Variants in ARHGAP30 observed in about 807,000 individuals in gnomAD.
The protein encoded by ARHGAP30 is Rho GTPase activating protein 30, also known as rho GTPase-activating protein 30.
ARHGAP30 carries 23 observed loss-of-function variants against 72.0 expected under a neutral mutation model. The observed-to-expected ratio is 0.32, with a 90% CI of 0.23 to 0.45. The LOEUF (loss-of-function observed/expected upper bound fraction) is 0.45, where lower values mean the gene tolerates loss of function less well. ARHGAP30 is among the 20% of genes least tolerant of loss of function. The probability of loss-of-function intolerance (pLI) is 1.00; values close to 1 mark genes in which losing one functional copy is unlikely to be tolerated. For missense variants in ARHGAP30, 1,319 were observed against 1,383.4 expected, an observed-to-expected ratio of 0.95 and a Z score of 0.74; for synonymous variants, 576 against 528.2, an observed-to-expected ratio of 1.09 and a Z score of -1.24.
In ARHGAP30 at chr1:161,047,585, G is replaced by A; in HGVS notation, c.*130C>T. On this transcript the variant is annotated 3_prime_UTR_variant, in exon 12 of 12. Transcript: ENST00000368013. Reference sequence around the variant, plus strand: ...GCAGTGCCTCCCACAGTCAAAGAGAGAAGCTGGAGGGCCAAAGCCTATAGA... The same window carrying A: ...GCAGTGCCTCCCACAGTCAAAGAGAAAAGCTGGAGGGCCAAAGCCTATAGA... The A allele has an allele frequency of 1.0e-6, 1 of 1,000,258 alleles. No homozygotes were observed. Among genetic ancestry groups the A allele is most frequent in the South Asian group, 2.8e-5 (1 of 35,970 alleles). 62.0% of individuals were successfully genotyped at this position (1,000,258 alleles called of 1,614,324 possible).
In ARHGAP30 at chr1:161,052,747, C is replaced by G. The variant is rs1293884930; in HGVS notation, c.715G>C (p.Gly239Arg). 1.2e-6 allele frequency: 2 copies of G among 1,612,086 alleles called. No homozygotes were observed. Among genetic ancestry groups the G allele is most frequent in the Admixed American group, 3.3e-5 (2 of 60,012 alleles). Residue 239 changes from glycine to arginine, a missense_variant, in exon 7 of 12, where the codon GGC (glycine) becomes CGC (arginine). Around this residue, in one of 2 missense-constraint regions of ARHGAP30, gnomAD observed 222 missense variants for 338.2 expected, o/e 0.66. Coordinates refer to ENST00000368013, the MANE Select transcript of ARHGAP30 (RefSeq NM_001025598.2). ...WRSLPGTRASGSPEDLMPRPL... is the reference protein window; with the variant it reads ...WRSLPGTRASRSPEDLMPRPL... ...CTGGGCATAAGGTCCTCGGGGCTGCCTGATGCCCGGGTCCCTGGAAGCGAT... is the reference window on the plus strand; with the variant it reads ...CTGGGCATAAGGTCCTCGGGGCTGCGTGATGCCCGGGTCCCTGGAAGCGAT...
intron 1 of ARHGAP30, among the ~76,000 whole-genome samples, chr1:161,067,986 AT>A (rs1030858540): frequency 1.7e-4 from 16 of 94,240 alleles, no homozygotes; most frequent in African/African-American, 7.5e-4. Flanking sequence ...TAGGATCAGG[AT>A]TCAGCAATCA....
chr1:161,060,388 G>A (rs1652228927), intron 1 of ARHGAP30: 1 of 284,826 alleles, frequency 3.5e-6, no homozygotes, highest in Non-Finnish European at 7.3e-6. Context: ...CTGAGGTCAG[G>A]AGTTTGAGAC....
At chr1:161,056,128 G>A (rs1303280642) in intron 3 of ARHGAP30, among the ~76,000 whole-genome samples, 1 of 152,072 alleles carries the variant, frequency 6.6e-6, no homozygotes, top group Non-Finnish European at 1.5e-5. Flanking sequence ...TCTCACCACT[G>A]TGCTGTGTGC....
chr1:161,053,119 T>C, intron 6 of ARHGAP30, 139 bp downstream of exon 6: 1 of 1,284,838 alleles, frequency 7.8e-7, no homozygotes. Flanking sequence ...TGCACAATTA[T>C]CTCCCCAGGG....
At chr1:161,061,651 T>G (rs1333052880) in intron 1 of ARHGAP30, among the ~76,000 whole-genome samples, 1 of 152,192 alleles carries the variant, frequency 6.6e-6, no homozygotes, top group Middle Eastern at 3.2e-3. Flanking sequence ...ATGACTCAAA[T>G]CAAGGGTGCA....
intron 1 of ARHGAP30, among the ~76,000 whole-genome samples, chr1:161,064,308 CG>C (rs956878926): frequency 2.2e-4 from 33 of 152,332 alleles, no homozygotes; most frequent in African/African-American, 7.7e-4. Flanking sequence ...ACATGATTAT[CG>C]GGGCAGTTCC....
Position 161,049,474 on chromosome 1 carries a change from C to G in ARHGAP30, c.1636G>C (p.Asp546His). The change falls in exon 11 of 12, where the codon GAC becomes CAC. Residue 546 changes from aspartate (D) to histidine (H), a missense_variant. Physicochemically the swap from Asp to His is moderately conservative, Grantham distance 81. Transcript: ENST00000368013. Reference sequence around the variant, plus strand: ...TCCAGGTAGCCCATCCCAGGGTCGTCCTCCCCAGGGGAGAAGGCTGCTCCT... The same window carrying G: ...TCCAGGTAGCCCATCCCAGGGTCGTGCTCCCCAGGGGAGAAGGCTGCTCCT... ...AAGAAFSPGEDDPGMGYLEEL... is the reference protein window; with the variant it reads ...AAGAAFSPGEHDPGMGYLEEL... 1 of 1,613,892 alleles carries G rather than the reference C, an allele frequency of 6.2e-7. No individual in the cohort carries two copies. The highest frequency in any genetic ancestry group is 8.5e-7 in the Non-Finnish European group (1 of 1,179,922).
intron 1 of ARHGAP30, chr1:161,060,051 C>A: frequency 3.1e-6 from 1 of 322,256 alleles, no homozygotes; most frequent in Non-Finnish European, 6.3e-6. Flanking sequence ...GAGGCCAAGG[C>A]GGGTGAGTTG....
At position 161,069,699 on chromosome 1, in the gene ARHGAP30, C is replaced by A; in HGVS notation, c.-75G>T. The A allele has an allele frequency of 2.0e-6, 3 of 1,505,428 alleles. No individual in the cohort carries two copies. The highest frequency in any genetic ancestry group is 2.7e-6 in the Non-Finnish European group (3 of 1,097,318). 93.3% of individuals were successfully genotyped at this position (1,505,428 alleles called of 1,614,324 possible). A position where few individuals can be genotyped will look rare whatever the true frequency, so the allele number is the denominator to read the frequency against. ...GTGCCCTACCAGTCCCCCATGGGAT[C>A]CCAGCCAGCTGCTGGGCTTGGCCCG... On this transcript the variant is annotated 5_prime_UTR_variant, in exon 1 of 12. Transcript: ENST00000368013. This position sits in a 1 kb window ranked among gnomAD's most constrained non-coding sequence, Gnocchi z 4.9.
intron 1 of ARHGAP30, among the ~76,000 whole-genome samples, chr1:161,062,011 C>G (rs1652345288): frequency 2.0e-5 from 3 of 152,074 alleles, no homozygotes; most frequent in Admixed American, 2.0e-4. Flanking sequence ...TTGCTTGAAC[C>G]CGGGAGGTGG....
At chr1:161,062,728 C>CAA (rs796868565) in intron 1 of ARHGAP30, among the ~76,000 whole-genome samples, 1 of 141,534 alleles carries the variant, frequency 7.1e-6, no homozygotes, top group African/African-American at 2.6e-5. Context: ...GATTCCGTGT[C>CAA]AAAAAAAAAA....
Position 161,049,138 on chromosome 1 carries a change from T to A in ARHGAP30, c.1883A>T (p.Lys628Met). The A allele has an allele frequency of 6.2e-7, 1 of 1,614,130 alleles. No homozygotes were observed. The highest frequency in any genetic ancestry group is 8.5e-7 in the Non-Finnish European group (1 of 1,180,000). The change falls in exon 12 of 12, where the codon AAG (lysine) becomes ATG (methionine). Residue 628 changes from lysine to methionine, a missense_variant. Around this residue, in one of 2 missense-constraint regions of ARHGAP30, gnomAD observed 1,097 missense variants for 1,045.2 expected, o/e 1.05. Coordinates refer to ENST00000368013, the MANE Select transcript of ARHGAP30 (RefSeq NM_001025598.2). ...PLLGPKPPIW[K>M]GSGSLEGEAA... ...CTCTCCCTCCAGACTCCCTGAACCC[T>A]TCCAGATTGGGGGTTTAGGTCCCAG...
chr1:161,064,833 GAAAGAAAGAAAGA>G (rs1557935447), intron 1 of ARHGAP30, among the ~76,000 whole-genome samples: 32 of 66,976 alleles, frequency 4.8e-4, no homozygotes, highest in South Asian at 1.0e-3. Flanking sequence ...GAAAGAAAGA[GAAAGAAAGAAAGA>G]AAGGAAAGGA....
intron 1 of ARHGAP30, among the ~76,000 whole-genome samples, chr1:161,064,779 A>AAAGAAAGAAAGAAAGAAAGAAAG (rs1553219780): frequency 3.0e-4 from 29 of 98,152 alleles, no homozygotes; most frequent in South Asian, 1.0e-3. Flanking sequence ...GAAAGAAAGA[A>AAAGAAAGAAAGAAAGAAAGAAAG]AAAGAAAGAA....
At chr1:161,052,889 G>C (rs565525153) in intron 6 of ARHGAP30, 92 bp from the exon 7 acceptor site, 1 of 1,462,600 alleles carries the variant, frequency 6.8e-7, no homozygotes, top group East Asian at 2.3e-5. Context: ...CCAACTACCA[G>C]GTTAGGGATA....
chr1:161,048,771 A>T lies in ARHGAP30; in HGVS notation c.2250T>A (p.Ile750=). ...DEYTDEKEKE[I]EREEDEQREE... Reference sequence around the variant, plus strand: ...CTCTTTGTTCATCCTCTTCTCTCTCAATTTCTTTTTCCTTCTCATCTGTAT... The same window carrying T: ...CTCTTTGTTCATCCTCTTCTCTCTCTATTTCTTTTTCCTTCTCATCTGTAT... The change falls in exon 12 of 12, where the codon ATT becomes ATA. Residue 750 remains isoleucine, a synonymous_variant. Coordinates refer to ENST00000368013, the MANE Select transcript of ARHGAP30 (RefSeq NM_001025598.2). 6.2e-7 allele frequency: 1 copy of T among 1,612,992 alleles called. No homozygotes were observed. The highest frequency in any genetic ancestry group is 8.5e-7 in the Non-Finnish European group (1 of 1,179,784).
At chr1:161,052,098 ACAAAGTCATAGATTAGACAAT>A (rs1480271245) in intron 9 of ARHGAP30, among the ~76,000 whole-genome samples, 167 bp downstream of exon 9, 57 of 151,282 alleles carry the variant, frequency 3.8e-4, no homozygotes, top group African/African-American at 1.3e-3. Context: ...ACACTCATCA[ACAAAGTCATAGATTAGACAAT>A]CAACTCACCG....
chr1:161,064,852 A>AAGAAAGAAAGAAAGAAAGAAAG (rs1557935611), intron 1 of ARHGAP30, among the ~76,000 whole-genome samples: 1 of 132,052 alleles, frequency 7.6e-6, no homozygotes, highest in East Asian at 2.6e-4. Context: ...AAAGAAAGGA[A>AAGAAAGAAAGAAAGAAAGAAAG]AGGAAGGAGA....
Sources: allele counts gnomAD v4.1 joint callset (sites outside exome capture counted in the v4.1 genomes callset), GRCh38; gene constraint gnomAD v4.1.1; regional missense constraint gnomAD v4.1.1; non-coding constraint Gnocchi (gnomAD v3.1); transcripts MANE v1.5; gene names NCBI Gene and HGNC (gene_info 2026-07-23, HGNC 2026-07-21).